The following RSRC1 variants were observed in gnomAD, a reference collection of about 807,000 sequenced individuals.
RSRC1 encodes arginine and serine rich coiled-coil 1, also known as serine/Arginine-related protein 53.
RSRC1 carries 39 observed loss-of-function variants against 49.1 expected under a neutral mutation model. That is an observed-to-expected ratio of 0.79 (90% CI 0.61 to 1.04). The LOEUF (loss-of-function observed/expected upper bound fraction) is 1.04. RSRC1 is among the 50% of genes least tolerant of loss of function. RSRC1 has a pLI of 0.00. For missense variants in RSRC1, 388 were observed against 402.4 expected (o/e 0.96, Z 0.31); for synonymous variants, 143 against 130.8 (o/e 1.09, Z -0.63).
intron 6 of RSRC1, among the ~76,000 whole-genome samples, chr3:158,413,112 A>G (rs1734547818): frequency 6.6e-6 from 1 of 152,206 alleles, no homozygotes; most frequent in South Asian, 2.1e-4. Flanking sequence ...TACAGTAGCC[A>G]AAACAGTGTG....
intron 4 of RSRC1, among the ~76,000 whole-genome samples, chr3:158,207,637 T>TTAGATAGATAGATAGATAGATAGA (rs1553769118): frequency 0.029 from 4,303 of 147,048 alleles, 88 homozygotes; most frequent in Non-Finnish European, 0.039. Flanking sequence ...GTAACAGTAT[T>TTAGATAGATAGATAGATAGATAGA]TAGATAGATA....
chr3:158,161,694 A>G (rs562896977), intron 3 of RSRC1, among the ~76,000 whole-genome samples: 59 of 152,284 alleles, frequency 3.9e-4, no homozygotes, highest in Admixed American at 9.8e-4. Flanking sequence ...CCTGGGAGGC[A>G]GAGGTTATGG....
intron 7 of RSRC1, among the ~76,000 whole-genome samples, chr3:158,509,304 A>C (rs57009264): frequency 6.6e-6 from 1 of 152,304 alleles, no homozygotes; most frequent in Admixed American, 6.5e-5. Flanking sequence ...AAGCCTCTTT[A>C]GAAGATATGT....
intron 5 of RSRC1, among the ~76,000 whole-genome samples, chr3:158,322,010 C>A (rs1461455315): frequency 1.3e-5 from 2 of 149,500 alleles, no homozygotes; most frequent in Non-Finnish European, 3.0e-5. Context: ...CACACACAGT[C>A]TTTTATATGT....
At chr3:158,396,230 A>G (rs970495220) in intron 6 of RSRC1, among the ~76,000 whole-genome samples, 2 of 152,046 alleles carry the variant, frequency 1.3e-5, no homozygotes, top group African/African-American at 2.4e-5. Context: ...AAAACTACCT[A>G]TCAGGTACTA....
intron 4 of RSRC1, among the ~76,000 whole-genome samples, chr3:158,272,962 A>T (rs532105457): frequency 6.6e-6 from 1 of 152,202 alleles, no homozygotes; most frequent in East Asian, 1.9e-4. Flanking sequence ...CCTTTACTAA[A>T]AAATGGTATA....
chr3:158,201,469 A>G (rs1721041176), intron 3 of RSRC1, among the ~76,000 whole-genome samples: 1 of 152,000 alleles, frequency 6.6e-6, no homozygotes, highest in Non-Finnish European at 1.5e-5. Context: ...TGTTTTCTCT[A>G]TTTCTGGGTT....
intron 1 of RSRC1, among the ~76,000 whole-genome samples, chr3:158,118,057 C>G (rs1214347351): frequency 6.6e-6 from 1 of 152,126 alleles, no homozygotes; most frequent in African/African-American, 2.4e-5. Context: ...TCCGGTGATC[C>G]TCCTGCCTCA....
At chr3:158,530,913 T>TAAAAAAAAAAAAAAAAATA (rs200580489) in intron 7 of RSRC1, among the ~76,000 whole-genome samples, 1 of 95,628 alleles carries the variant, frequency 1.0e-5, no homozygotes, top group African/African-American at 4.2e-5. Flanking sequence ...AAATAATAAA[T>TAAAAAAAAAAAAAAAAATA]AAAAAAAAAA....
chr3:158,161,007 C>T (rs1340127092), intron 3 of RSRC1, among the ~76,000 whole-genome samples: 1 of 152,164 alleles, frequency 6.6e-6, no homozygotes, highest in Non-Finnish European at 1.5e-5. Flanking sequence ...TGTGCTTATT[C>T]ACTGTTGTTC....
chr3:158,291,120 G>A (rs1726911910), intron 4 of RSRC1, among the ~76,000 whole-genome samples: 1 of 152,162 alleles, frequency 6.6e-6, no homozygotes, highest in Non-Finnish European at 1.5e-5. Context: ...AGGGCCACTT[G>A]GGCCCAGGAG....
intron 6 of RSRC1, among the ~76,000 whole-genome samples, chr3:158,366,814 C>T (rs1731794919): frequency 6.6e-6 from 1 of 152,092 alleles, no homozygotes; most frequent in Non-Finnish European, 1.5e-5. Flanking sequence ...TTTGTGTCCT[C>T]TCTTATTTCC....
At chr3:158,347,045 A>G (rs1321347074) in intron 5 of RSRC1, among the ~76,000 whole-genome samples, 1 of 152,250 alleles carries the variant, frequency 6.6e-6, no homozygotes. Flanking sequence ...TAGTTCAATT[A>G]TACCTCAATA....
intron 7 of RSRC1, among the ~76,000 whole-genome samples, chr3:158,519,352 A>C (rs1711535681): frequency 1.3e-5 from 2 of 151,872 alleles, no homozygotes; most frequent in Non-Finnish European, 2.9e-5. Context: ...CGTATTAGAG[A>C]GTGACCAGTG....
Position 158,181,166 on chromosome 3 carries a change from A to T in RSRC1, c.321-21906A>T, listed in dbSNP as rs6772829. Among the ~76,000 whole-genome samples the T allele has an allele frequency of 5.3e-3, 811 of 152,310 alleles. 6 individuals are homozygous for T. The highest frequency in any genetic ancestry group is 0.019 in the African/African-American group (775 of 41,554). On this transcript the variant is annotated intron_variant, in intron 3 of 9. Transcript: ENST00000611884. ...CATGGCTAGGGATGAGAATCATTGA[A>T]CTAGATGATCAGCAAAACTATTTCT...
chr3:158,301,161 A>C (rs1404683348), intron 5 of RSRC1, among the ~76,000 whole-genome samples: 1 of 152,018 alleles, frequency 6.6e-6, no homozygotes, highest in East Asian at 1.9e-4. Context: ...TCCTCAGCTT[A>C]ATTTTTTAAT....
chr3:158,516,154 T>TCC (rs1740516056), intron 7 of RSRC1, among the ~76,000 whole-genome samples: 2 of 152,254 alleles, frequency 1.3e-5, no homozygotes, highest in Non-Finnish European at 2.9e-5. Flanking sequence ...ACTGCGTTCC[T>TCC]TTGGAGGAGG....
At chr3:158,180,672 G>C (rs1019709147) in intron 3 of RSRC1, among the ~76,000 whole-genome samples, 2 of 151,332 alleles carry the variant, frequency 1.3e-5, no homozygotes, top group African/African-American at 4.9e-5. Context: ...TCGCCATGTC[G>C]TCCAGGCTGG....
At chr3:158,510,207 G>T (rs1377200678) in intron 7 of RSRC1, among the ~76,000 whole-genome samples, 5 of 152,130 alleles carry the variant, frequency 3.3e-5, no homozygotes, top group Admixed American at 6.5e-5. Flanking sequence ...TTACTAATGG[G>T]CTTGAGCGTC....
Sources: allele counts gnomAD v4.1 joint callset (sites outside exome capture counted in the v4.1 genomes callset), GRCh38; gene constraint gnomAD v4.1.1; transcripts MANE v1.5; gene names NCBI Gene and HGNC (gene_info 2026-07-23, HGNC 2026-07-21).